TOGARAM1: variants seen among roughly 807,000 people sequenced by gnomAD.
TOGARAM1 encodes the protein TOG array regulator of axonemal microtubules 1.
TOGARAM1 carries 100 observed loss-of-function variants against 166.6 expected under a neutral mutation model. The ratio of observed to expected loss-of-function variants is 0.60; its 90% CI spans 0.51 to 0.71. The LOEUF (loss-of-function observed/expected upper bound fraction) is 0.71. Ranked by LOEUF, TOGARAM1 falls within the 30% of genes least tolerant of loss-of-function variation. The pLI is 0.00. For synonymous variants in TOGARAM1, 758 were observed against 763.8 expected (o/e 0.99, Z 0.13); for missense variants, 2,029 against 2,102.7 (o/e 0.96, Z 0.69).
intron 16 of TOGARAM1, among the ~76,000 whole-genome samples, chr14:45,064,763 A>G (rs1195065448): frequency 6.6e-6 from 1 of 152,194 alleles, no homozygotes; most frequent in African/African-American, 2.4e-5. Context: ...ATTTAGGTTT[A>G]AAGTAGTTAT....
intron 7 of TOGARAM1, among the ~76,000 whole-genome samples, chr14:45,019,867 G>A (rs1210589079): frequency 6.6e-6 from 1 of 152,160 alleles, no homozygotes; most frequent in Non-Finnish European, 1.5e-5. Context: ...GCTGATGACT[G>A]CTCTAACTGC....
chr14:45,022,628 G>A (rs1399033124), intron 7 of TOGARAM1, among the ~76,000 whole-genome samples: 1 of 151,456 alleles, frequency 6.6e-6, no homozygotes, highest in African/African-American at 2.4e-5. Flanking sequence ...CCATCCTGAG[G>A]GGAGGAAACT....
At chr14:44,972,706 G>C (rs1387816171) in intron 1 of TOGARAM1, among the ~76,000 whole-genome samples, 1 of 152,118 alleles carries the variant, frequency 6.6e-6, no homozygotes, top group African/African-American at 2.4e-5. Flanking sequence ...TTTGATTAAT[G>C]TTAGCATGGT....
chr14:44,965,403 T>A (rs1885474918), intron 1 of TOGARAM1, among the ~76,000 whole-genome samples: 1 of 152,244 alleles, frequency 6.6e-6, no homozygotes, highest in Non-Finnish European at 1.5e-5. Context: ...CCCTTGTAAT[T>A]TTATCTAGAA....
At chr14:45,010,129 A>G (rs888805410) in intron 6 of TOGARAM1, among the ~76,000 whole-genome samples, 2 of 152,202 alleles carry the variant, frequency 1.3e-5, no homozygotes, top group Non-Finnish European at 2.9e-5. Flanking sequence ...CTTCTAAGAA[A>G]TATACGTAAA....
intron 13 of TOGARAM1, among the ~76,000 whole-genome samples, chr14:45,045,940 CT>C: frequency 6.6e-6 from 1 of 151,546 alleles, no homozygotes; most frequent in Non-Finnish European, 1.5e-5. Flanking sequence ...AATGGTAGAT[CT>C]ACTTTTAGCT....
chr14:45,033,281 G>T (rs979383017), intron 11 of TOGARAM1, among the ~76,000 whole-genome samples: 2 of 150,996 alleles, frequency 1.3e-5, no homozygotes, highest in East Asian at 1.9e-4. Flanking sequence ...TAGAAGTTCT[G>T]CAGAATTTAA....
intron 1 of TOGARAM1, among the ~76,000 whole-genome samples, chr14:44,969,220 C>T (rs1885748901): frequency 1.4e-5 from 2 of 146,864 alleles, no homozygotes; most frequent in Middle Eastern, 7.1e-3. Context: ...AGTGCGATCT[C>T]GGCTCACTGC....
intron 1 of TOGARAM1, among the ~76,000 whole-genome samples, chr14:44,976,123 G>A (rs918910562): frequency 5.3e-5 from 8 of 151,944 alleles, no homozygotes; most frequent in South Asian, 2.1e-4. Context: ...ATCTCACCCC[G>A]ATAACACTCA....
chr14:45,027,098 T>C (rs534573455), intron 8 of TOGARAM1, among the ~76,000 whole-genome samples: 3 of 152,348 alleles, frequency 2.0e-5, no homozygotes, highest in Non-Finnish European at 2.9e-5. Flanking sequence ...CTCTCACTTA[T>C]TATCATGAAC....
chr14:45,057,493 C>T (rs1882697267), intron 16 of TOGARAM1, among the ~76,000 whole-genome samples: 1 of 151,994 alleles, frequency 6.6e-6, no homozygotes, highest in East Asian at 1.9e-4. Context: ...GTGGCATCAT[C>T]ATAGCCCATT....
At chr14:45,045,577 ATATATATGTGTGTGTG>A (rs1881979233) in intron 13 of TOGARAM1, among the ~76,000 whole-genome samples, 9 of 37,512 alleles carry the variant, frequency 2.4e-4, no homozygotes, top group African/African-American at 3.2e-4. Context: ...ATATATATAT[ATATATATGTGTGTGTG>A]TGTGTGTGTG....
chr14:45,028,989 T>C (rs569024608), intron 10 of TOGARAM1, among the ~76,000 whole-genome samples: 1 of 152,338 alleles, frequency 6.6e-6, no homozygotes, highest in African/African-American at 2.4e-5. Flanking sequence ...CTAAATTTAA[T>C]AGACAATATA....
intron 18 of TOGARAM1, among the ~76,000 whole-genome samples, chr14:45,069,136 A>G (rs1431633733): frequency 2.6e-5 from 4 of 152,100 alleles, no homozygotes; most frequent in Non-Finnish European, 5.9e-5. Flanking sequence ...TGATCTGCCA[A>G]GGTGGGCAGA....
intron 17 of TOGARAM1, 81 bp from the exon 18 acceptor site, chr14:45,068,343 A>C (rs973849645): frequency 5.9e-6 from 6 of 1,022,494 alleles, no homozygotes; most frequent in Middle Eastern, 6.4e-4. Flanking sequence ...TAGGAGAAAT[A>C]TTATGACATG....
intron 1 of TOGARAM1, among the ~76,000 whole-genome samples, chr14:44,974,936 A>C (rs544909443): frequency 2.0e-5 from 3 of 152,252 alleles, no homozygotes; most frequent in Admixed American, 2.0e-4. Flanking sequence ...GGTCTTTAGT[A>C]ATGTACAATT....
At chr14:44,999,072 C>T (rs1178704357) in intron 2 of TOGARAM1, among the ~76,000 whole-genome samples, 4 of 152,142 alleles carry the variant, frequency 2.6e-5, no homozygotes, top group Admixed American at 6.5e-5. Flanking sequence ...TCTGGAGAAA[C>T]GTTCCATGCT....
At chr14:44,994,026 T>C (rs753992364) in intron 1 of TOGARAM1, among the ~76,000 whole-genome samples, 3 of 152,260 alleles carry the variant, frequency 2.0e-5, no homozygotes, top group African/African-American at 4.8e-5. Context: ...CATTATATCC[T>C]TTTGATACTG....
At chr14:44,990,432 T>C (rs1172635722) in intron 1 of TOGARAM1, among the ~76,000 whole-genome samples, 1 of 152,252 alleles carries the variant, frequency 6.6e-6, no homozygotes, top group Non-Finnish European at 1.5e-5. Flanking sequence ...CTCAAGACTC[T>C]AGGTCTCAGA....
Sources: allele counts gnomAD v4.1 joint callset (sites outside exome capture counted in the v4.1 genomes callset), GRCh38; gene constraint gnomAD v4.1.1; transcripts MANE v1.5; gene names NCBI Gene and HGNC (gene_info 2026-07-23, HGNC 2026-07-21).